The following DBF4 variants were observed in gnomAD, a reference collection of about 807,000 sequenced individuals.
The protein encoded by DBF4 is protein DBF4 homolog A.
DBF4 carries 25 observed loss-of-function variants against 76.6 expected under a neutral mutation model. That is an observed-to-expected ratio of 0.33 (90% CI 0.24 to 0.46). DBF4 has a LOEUF of 0.46. DBF4 is among the 20% of genes least tolerant of loss of function. DBF4 has a pLI of 1.00. For missense variants in DBF4, 638 were observed against 760.8 expected (o/e 0.84, Z 1.90); for synonymous variants, 213 against 258.0 (o/e 0.83, Z 1.67).
At position 87,908,145 on chromosome 7, in the gene DBF4, T is replaced by C. The variant is rs570666579; in HGVS notation, c.2007T>C (p.Ser669=). Residue 669 remains serine, a synonymous_variant, in exon 12 of 12, where the codon TCT becomes TCC. Transcript: ENST00000265728. ...CGTTTTTCTCGTCCCCTTCAACTTC[T>C]ACATTTACTGGCTTTTAGAATTTAA... ...LTAFFSSPST[S]TFTGF 4 of 1,583,354 alleles carry C rather than the reference T, an allele frequency of 2.5e-6. No homozygotes were observed. The African/African-American group carries it at 4.1e-5, about 16-fold the overall frequency.
Position 87,887,300 on chromosome 7 carries a change from G to A in DBF4, c.451-29G>A, listed in dbSNP as rs774553682. On this transcript the variant is annotated intron_variant, in intron 4 of 11. Coordinates refer to ENST00000265728, the MANE Select transcript of DBF4 (RefSeq NM_006716.4). Reference sequence around the variant, plus strand: ...TTAGCTCATCTTAAATAATTTCCTAGAACAACCATAAAACTTTTTTTTTTA... The same window carrying A: ...TTAGCTCATCTTAAATAATTTCCTAAAACAACCATAAAACTTTTTTTTTTA... 3 of 1,416,702 alleles carry A rather than the reference G, an allele frequency of 2.1e-6. No individual in the cohort carries two copies. The Admixed American group carries it at 7.1e-5, about 33-fold the overall frequency. The allele number at this position is 1,416,702 out of a possible 1,614,324, so 87.8% of individuals were successfully genotyped here.
intron 4 of DBF4, 124 bp downstream of exon 4, chr7:87,887,018 A>G: frequency 1.5e-6 from 1 of 682,094 alleles, no homozygotes; most frequent in South Asian, 2.1e-5. Flanking sequence ...CTCAGCATAT[A>G]TTTTATTTTA....
intron 3 of DBF4, among the ~76,000 whole-genome samples, chr7:87,886,557 AAG>A: frequency 1.3e-5 from 2 of 151,176 alleles, no homozygotes; most frequent in Middle Eastern, 6.8e-3. Flanking sequence ...AAAAAAAAAA[AAG>A]GTGAAATAAC....
chr7:87,891,834 G>C (rs1839499911), intron 6 of DBF4, among the ~76,000 whole-genome samples: 1 of 151,998 alleles, frequency 6.6e-6, no homozygotes, highest in Non-Finnish European at 1.5e-5. Context: ...TCTATTTGTA[G>C]TTTCTTAGGT....
At position 87,891,172 on chromosome 7, in the gene DBF4, C is replaced by CT. The variant is rs200764553; in HGVS notation, c.597+3129dup. Among the ~76,000 whole-genome samples the CT allele has an allele frequency of 3.6e-3, 423 of 119,092 alleles. 1 individual carries two copies. The highest frequency in any genetic ancestry group is 5.8e-3 in the South Asian group (21 of 3,620). The allele number at this position is 119,092 out of a possible 152,430, so 78.1% of individuals were successfully genotyped here. A position where few individuals can be genotyped will look rare whatever the true frequency, so the allele number is the denominator to read the frequency against. On this transcript the variant is annotated intron_variant, in intron 6 of 11. Transcript: ENST00000265728. ...AAAGTGCTTTGAGGTTTGGGCTTTT[C>CT]TTTTTTTTTTTTTTTTCCAGTTTAC...
chr7:87,903,246 C>G (rs1274820581), intron 10 of DBF4, among the ~76,000 whole-genome samples: 3 of 152,142 alleles, frequency 2.0e-5, no homozygotes, highest in African/African-American at 7.2e-5. Flanking sequence ...CCACGCCTGG[C>G]TAATTGTACT....
intron 6 of DBF4, among the ~76,000 whole-genome samples, chr7:87,893,930 T>C (rs755352474): frequency 6.6e-5 from 10 of 152,204 alleles, no homozygotes; most frequent in Non-Finnish European, 8.8e-5. Context: ...GCTTTTTAAC[T>C]CTCTTCATTT....
intron 8 of DBF4, among the ~76,000 whole-genome samples, chr7:87,899,683 A>G (rs1296196230): frequency 2.0e-5 from 3 of 152,224 alleles, no homozygotes; most frequent in Non-Finnish European, 4.4e-5. Context: ...TCAATGGAAT[A>G]TTACTCAGCC....
chr7:87,893,059 T>C (rs1470614739), intron 6 of DBF4, among the ~76,000 whole-genome samples: 1 of 152,148 alleles, frequency 6.6e-6, no homozygotes, highest in Non-Finnish European at 1.5e-5. Context: ...GCGTTGCTCA[T>C]GTTTTCTGTA....
Position 87,897,307 on chromosome 7 carries a change from A to G in DBF4, c.648A>G (p.Lys216=), listed in dbSNP as rs1225934666. The G allele has an allele frequency of 1.9e-6, 3 of 1,612,552 alleles. No individual in the cohort carries two copies. The East Asian group carries it at 6.7e-5, about 36-fold the overall frequency. The change falls in exon 8 of 12, where the codon AAA becomes AAG. Residue 216 remains lysine, a synonymous_variant. Transcript: ENST00000265728. The part of the protein sequence containing the change: ...GAQKTRTGRL[K]KPFVKVEDMS... ...TATGTTCTCAAGCAGGAAGACTCAA[A>G]AAGCCTTTTGTAAAGGTGGAAGATA... is the stretch of plus-strand genomic sequence containing the variant.
intron 8 of DBF4, 66 bp from the exon 9 acceptor site, chr7:87,900,155 C>T: frequency 9.8e-6 from 13 of 1,332,414 alleles, no homozygotes; most frequent in Non-Finnish European, 1.3e-5. Context: ...TTTTGAAATA[C>T]AAAACTTTAA....
At chr7:87,889,168 TATAA>T (rs1839429111) in intron 6 of DBF4, among the ~76,000 whole-genome samples, 1 of 152,156 alleles carries the variant, frequency 6.6e-6, no homozygotes, top group Non-Finnish European at 1.5e-5. Context: ...ATGGAAAGAT[TATAA>T]ATAGAGTAAC....
At chr7:87,899,959 C>T (rs1839732408) in intron 8 of DBF4, among the ~76,000 whole-genome samples, 1 of 152,008 alleles carries the variant, frequency 6.6e-6, no homozygotes, top group Non-Finnish European at 1.5e-5. Context: ...AGTGATGGTA[C>T]CACAGCATTG....
chr7:87,885,215 G>T, intron 3 of DBF4, 57 bp downstream of exon 3: 1 of 1,410,756 alleles, frequency 7.1e-7, no homozygotes, highest in African/African-American at 1.4e-5. Context: ...AAGATCTCCT[G>T]GTTTTTAATA....
intron 2 of DBF4, among the ~76,000 whole-genome samples, chr7:87,880,481 C>G (rs1839183931): frequency 6.6e-6 from 1 of 152,128 alleles, no homozygotes; most frequent in Admixed American, 6.5e-5. Context: ...TTATTGAATT[C>G]TGATCTTCCC....
In DBF4 at chr7:87,885,061, G is replaced by A. The variant is rs1362333859; in HGVS notation, c.302G>A (p.Arg101Gln). Residue 101 changes from arginine to glutamine, a missense_variant, in exon 3 of 12, where the codon CGA becomes CAA. Arg to Gln is a conservative substitution (Grantham distance 43). Transcript: ENST00000265728. Reference sequence around the variant, plus strand: ...GCTAAATTTGCACAAACCTTGGGTCGAATTTCTCCTGTACCAAGTCCAGAA... The same window carrying A: ...GCTAAATTTGCACAAACCTTGGGTCAAATTTCTCCTGTACCAAGTCCAGAA... Reference protein sequence around the residue: ...KEAKFAQTLGRISPVPSPESA... With the variant: ...KEAKFAQTLGQISPVPSPESA... 1.4e-5 allele frequency: 23 copies of A among 1,613,542 alleles called. No homozygotes were observed. The highest frequency in any genetic ancestry group is 1.6e-4 in the Middle Eastern group (1 of 6,084).
At position 87,909,465 on chromosome 7, in the gene DBF4, A is replaced by G. The variant is rs1241099264; in HGVS notation, c.*1302A>G. The G allele has an allele frequency of 1.3e-5, 2 of 152,214 alleles. No individual in the cohort carries two copies. The highest frequency in any genetic ancestry group is 1.9e-4 in the East Asian group (1 of 5,196). 9.4% of individuals were successfully genotyped at this position (152,214 alleles called of 1,614,324 possible). A position where few individuals can be genotyped will look rare whatever the true frequency, so the allele number is the denominator to read the frequency against. On this transcript the variant is annotated 3_prime_UTR_variant, in exon 12 of 12. Coordinates refer to ENST00000265728, the MANE Select transcript of DBF4 (RefSeq NM_006716.4). The stretch of plus-strand genomic sequence containing the variant: ...TATTTTGATCATTTGGATAACATCA[A>G]TGAACACTGGCTTTTTAACACCTTT...
intron 2 of DBF4, among the ~76,000 whole-genome samples, chr7:87,884,499 T>C (rs1209379749): frequency 2.6e-5 from 4 of 152,246 alleles, no homozygotes; most frequent in Admixed American, 2.6e-4. Flanking sequence ...TATTTGCTAC[T>C]GGGTAACATT....
intron 11 of DBF4, among the ~76,000 whole-genome samples, chr7:87,906,557 G>A (rs1215374912): frequency 6.6e-6 from 1 of 152,024 alleles, no homozygotes; most frequent in African/African-American, 2.4e-5. Context: ...TGGAATTTCA[G>A]GGATATCAAG....
Sources: allele counts gnomAD v4.1 joint callset (sites outside exome capture counted in the v4.1 genomes callset), GRCh38; gene constraint gnomAD v4.1.1; transcripts MANE v1.5; gene names NCBI Gene and HGNC (gene_info 2026-07-23, HGNC 2026-07-21).